The following COMMD9 variants were observed in gnomAD, a reference collection of about 807,000 sequenced individuals.
The protein encoded by COMMD9 is COMM domain-containing protein 9.
A neutral mutation model predicts 23.4 loss-of-function variants in COMMD9; 22 were observed. The ratio of observed to expected loss-of-function variants is 0.94; its 90% CI spans 0.67 to 1.34. COMMD9 has a LOEUF of 1.34. Ranked by LOEUF, COMMD9 falls within the 40% of genes most tolerant of loss-of-function variation. The pLI is 0.00. For missense variants in COMMD9, 231 were observed against 240.2 expected (o/e 0.96, Z 0.25); for synonymous variants, 99 against 97.4 (o/e 1.02, Z -0.10).
chr11:36,276,811 T>C (rs1452018477), intron 4 of COMMD9: 7 of 299,152 alleles, frequency 2.3e-5, no homozygotes, highest in Non-Finnish European at 4.3e-5. Context: ...TTTTTGATTA[T>C]TGTTAATTTT....
intron 1 of COMMD9, among the ~76,000 whole-genome samples, chr11:36,287,126 CTATGT>C (rs1398803983): frequency 2.0e-5 from 1 of 50,964 alleles, no homozygotes; most frequent in African/African-American, 5.6e-5. Context: ...ATACTACATA[CTATGT>C]ATATCGCGTA....
At chr11:36,277,886 G>A (rs1233000058) in intron 3 of COMMD9, among the ~76,000 whole-genome samples, 1 of 152,154 alleles carries the variant, frequency 6.6e-6, no homozygotes, top group African/African-American at 2.4e-5. Flanking sequence ...GGGTACACTT[G>A]TATCCTACTA....
intron 1 of COMMD9, among the ~76,000 whole-genome samples, chr11:36,282,986 C>T (rs536788335): frequency 4.6e-5 from 7 of 152,328 alleles, no homozygotes; most frequent in Non-Finnish European, 5.9e-5. Flanking sequence ...AACCCAGAGT[C>T]TGATGTCCAA....
intron 1 of COMMD9, among the ~76,000 whole-genome samples, chr11:36,283,873 G>A (rs746844768): frequency 3.3e-5 from 5 of 152,156 alleles, no homozygotes; most frequent in Non-Finnish European, 5.9e-5. Context: ...GCAAGGCCAC[G>A]GCAGGTGGAT....
At chr11:36,278,195 C>A in intron 3 of COMMD9, 2 of 320,700 alleles carry the variant, frequency 6.2e-6, no homozygotes, top group African/African-American at 2.2e-5. Flanking sequence ...AGAAAATAAG[C>A]AAGTTACAAA....
At position 36,274,724 on chromosome 11, in the gene COMMD9, C is replaced by G; in HGVS notation, c.505G>C (p.Val169Leu). The change falls in exon 6 of 6, where the codon GTC becomes CTC. Residue 169 changes from valine to leucine, a missense_variant. By Grantham distance (32) the Val-to-Leu change is conservative. Coordinates refer to ENST00000263401, the MANE Select transcript of COMMD9 (RefSeq NM_014186.4). ...LCGDKPSISAVTVELSKETLD... is the reference protein window; with the variant it reads ...LCGDKPSISALTVELSKETLD... ...GTTTCTTTGCTCAGCTCCACGGTGA[C>G]AGCTGAGATGGAGGGTTTGTCTCCG... The G allele has an allele frequency of 2.5e-6, 4 of 1,614,202 alleles. No homozygotes were observed. Among genetic ancestry groups the G allele is most frequent in the Non-Finnish European group, 3.4e-6 (4 of 1,180,002 alleles).
intron 3 of COMMD9, among the ~76,000 whole-genome samples, chr11:36,277,952 C>A (rs1050242693): frequency 8.5e-5 from 13 of 152,138 alleles, no homozygotes; most frequent in Admixed American, 2.6e-4. Context: ...TAAGGCCAAA[C>A]CCTCAAAATG....
intron 4 of COMMD9, 199 bp from the exon 5 acceptor site, chr11:36,276,439 G>T: frequency 1.9e-6 from 1 of 525,080 alleles, no homozygotes; most frequent in Non-Finnish European, 3.4e-6. Flanking sequence ...GCCTGCACTT[G>T]GTACTAATTC....
Position 36,277,139 on chromosome 11 carries a change from A to G in COMMD9, c.318-16T>C. 6.3e-7 allele frequency: 1 copy of G among 1,578,774 alleles called. No homozygotes were observed. Among genetic ancestry groups the G allele is most frequent in the Non-Finnish European group, 8.6e-7 (1 of 1,161,688 alleles). The stretch of plus-strand genomic sequence containing the variant: ...CCAAGTAGACCTGTTTAAGAGGGAA[A>G]GATGAGGAAAAAATAATGGAAAGGG... On this transcript the variant is annotated splice_polypyrimidine_tract_variant and intron_variant, in intron 3 of 5. Transcript: ENST00000263401.
chr11:36,274,682 C>G lies in COMMD9; in HGVS notation c.547G>C (p.Asp183His). The change falls in exon 6 of 6, where the codon GAT becomes CAT. Residue 183 changes from aspartate (D) to histidine (H), a missense_variant. By Grantham distance (81) the Asp-to-His change is moderately conservative (BLOSUM62 -1). Coordinates refer to ENST00000263401, the MANE Select transcript of COMMD9 (RefSeq NM_014186.4). The part of the protein sequence containing the change: ...LSKETLDTML[D>H]GLGRIRDQLS... ...TGGTCTCGGATGCGGCCCAGGCCAT[C>G]TAACATGGTGTCCAGTGTTTCTTTG... The G allele has an allele frequency of 6.2e-7, 1 of 1,614,274 alleles. No individual in the cohort carries two copies. The highest frequency in any genetic ancestry group is 8.5e-7 in the Non-Finnish European group (1 of 1,180,050).
chr11:36,274,008 T>G lies in COMMD9; in HGVS notation c.*624A>C, dbSNP rs1424454438. On this transcript the variant is annotated 3_prime_UTR_variant, in exon 6 of 6. Transcript: ENST00000263401. ...TTCCAATTATTCCCACTTCTTCACC[T>G]AGGAGTGGCTGCATTAGATGAAGGA... The G allele has an allele frequency of 8.8e-6, 2 of 226,434 alleles. No individual in the cohort carries two copies. Among genetic ancestry groups the G allele is most frequent in the East Asian group, 2.0e-4 (2 of 10,074 alleles). The allele number at this position is 226,434 out of a possible 1,614,324, so 14.0% of individuals were successfully genotyped here.
chr11:36,282,807 T>C (rs537780322), intron 1 of COMMD9, among the ~76,000 whole-genome samples: 245 of 152,226 alleles, frequency 1.6e-3, no homozygotes, highest in Middle Eastern at 3.4e-3. Context: ...AGTCCCACAA[T>C]AGGCCGTCTG....
intron 2 of COMMD9, 95 bp from the exon 3 acceptor site, chr11:36,278,711 T>A (rs2133426973): frequency 5.8e-6 from 7 of 1,214,072 alleles, no homozygotes; most frequent in Non-Finnish European, 6.9e-6. Flanking sequence ...CCCCGAAGGC[T>A]GCACACTGCT....
intron 2 of COMMD9, 138 bp from the exon 3 acceptor site, chr11:36,278,754 C>G: frequency 1.2e-6 from 1 of 804,528 alleles, no homozygotes; most frequent in East Asian, 2.8e-5. Context: ...AGTCCAGAGG[C>G]CTCTGTGGCA....
At chr11:36,281,814 T>C (rs1019793145) in intron 1 of COMMD9, among the ~76,000 whole-genome samples, 3 of 152,138 alleles carry the variant, frequency 2.0e-5, no homozygotes, top group African/African-American at 7.2e-5. Context: ...AGGTAATCAA[T>C]AGATGTCAAC....
At chr11:36,288,413 A>G (rs1159092448) in intron 1 of COMMD9, among the ~76,000 whole-genome samples, 1 of 152,040 alleles carries the variant, frequency 6.6e-6, no homozygotes, top group African/African-American at 2.4e-5. Flanking sequence ...TGGATCTTAC[A>G]TTCTTATGAG....
intron 3 of COMMD9, chr11:36,278,204 A>G (rs1856006483): frequency 2.9e-6 from 1 of 350,606 alleles, no homozygotes; most frequent in African/African-American, 2.2e-5. Context: ...GCAAGTTACA[A>G]AACAGCATGA....
At chr11:36,289,283 A>G in intron 1 of COMMD9, 79 bp downstream of exon 1, 1 of 1,410,734 alleles carries the variant, frequency 7.1e-7, no homozygotes, top group Middle Eastern at 1.8e-4. Context: ...ACCAGGGTCA[A>G]TTTGTTCCCA....
chr11:36,282,806 A>G (rs765591617), intron 1 of COMMD9, among the ~76,000 whole-genome samples: 1 of 152,210 alleles, frequency 6.6e-6, no homozygotes, highest in South Asian at 2.1e-4. Context: ...AAGTCCCACA[A>G]TAGGCCGTCT....
Sources: gnomAD v4.1 joint callset for allele counts (sites outside exome capture counted in the v4.1 genomes callset) on GRCh38, gnomAD v4.1.1 for gene constraint, MANE v1.5 for transcripts, NCBI Gene and HGNC (gene_info 2026-07-23, HGNC 2026-07-21) for gene names.